ZNF136: variants seen among roughly 807,000 people sequenced by gnomAD.
The protein encoded by ZNF136 is zinc finger protein 136, also known as zinc finger protein 136 (clone pHZ-20).
In ZNF136, 8 loss-of-function variants were observed where a neutral mutation model predicts 11.4. That is an observed-to-expected ratio of 0.70 (90% CI 0.41 to 1.27). The LOEUF is 1.27. Ranked by LOEUF, ZNF136 falls within the 50% of genes most tolerant of loss-of-function variation. The pLI is 0.01. For synonymous variants in ZNF136, 190 were observed against 207.1 expected, an observed-to-expected ratio of 0.92 and a Z score of 0.71; for missense variants, 590 against 656.5, an observed-to-expected ratio of 0.90 and a Z score of 1.11.
Position 12,186,148 on chromosome 19 carries a change from C to G in ZNF136, c.165C>G (p.His55Gln). Residue 55 changes from histidine to glutamine, a missense_variant, in exon 3 of 4, where the codon CAC becomes CAG. Transcript: ENST00000343979. ...KKWKDQNIKD[H>Q]YKHRGRNLRS... ...GGAAGGACCAGAACATTAAAGATCA[C>G]TACAAACACCGAGGGAGAAATCTAA... 4 of 1,611,502 alleles carry G rather than the reference C, an allele frequency of 2.5e-6. No homozygotes were observed. Among genetic ancestry groups the G allele is most frequent in the Non-Finnish European group, 3.4e-6 (4 of 1,179,384 alleles).
At chr19:12,168,082 T>C in intron 1 of ZNF136, among the ~76,000 whole-genome samples, 1 of 136,836 alleles carries the variant, frequency 7.3e-6, no homozygotes, top group East Asian at 2.1e-4. Flanking sequence ...TTTTTTTTTT[T>C]TTTTTGTGAG....
chr19:12,163,295 G>T (rs749119395), intron 1 of ZNF136, 89 bp downstream of exon 1: 9 of 1,317,166 alleles, frequency 6.8e-6, no homozygotes, highest in Non-Finnish European at 6.9e-6. Flanking sequence ...GGGCCTTCCC[G>T]TGGGCGACTC....
At position 12,163,123 on chromosome 19, in the gene ZNF136, G is replaced by T. The variant is rs199523556; in HGVS notation, c.-81G>T. On this transcript the variant is annotated 5_prime_UTR_variant, in exon 1 of 4. Coordinates refer to ENST00000343979, the MANE Select transcript of ZNF136 (RefSeq NM_003437.5). ...TAGTCCCAGAGGCCCAGAGTGGCTC[G>T]CCTGGAGTCTCTGTGGCGCGGTTTC... 9.6e-6 allele frequency: 13 copies of T among 1,349,596 alleles called. No individual in the cohort carries two copies. Among genetic ancestry groups the T allele is most frequent in the Admixed American group, 3.4e-5 (1 of 29,368 alleles). 83.6% of individuals were successfully genotyped at this position (1,349,596 alleles called of 1,614,324 possible).
chr19:12,181,537 A>G (rs531136625), intron 1 of ZNF136, among the ~76,000 whole-genome samples: 17 of 151,420 alleles, frequency 1.1e-4, no homozygotes, highest in East Asian at 1.9e-4. Context: ...CAGTGGCGCA[A>G]TCTCCACTCA....
rs1043814601 is a variant in ZNF136, at chr19:12,163,431, C to T, written c.3+225C>T. ...CCGCCCTGTGCCGCGATTGCGGCCCCGGCCCCGAAGACCCAAGTCTCTTCA... is the reference window on the plus strand; with the variant it reads ...CCGCCCTGTGCCGCGATTGCGGCCCTGGCCCCGAAGACCCAAGTCTCTTCA... On this transcript the variant is annotated intron_variant, in intron 1 of 3. Coordinates refer to ENST00000343979, the MANE Select transcript of ZNF136 (RefSeq NM_003437.5). Among the ~76,000 whole-genome samples the T allele has an allele frequency of 3.3e-5, 5 of 152,232 alleles. No homozygotes were observed. The East Asian group carries it at 7.7e-4, about 23-fold the overall frequency.
At chr19:12,167,383 T>A (rs1337398547) in intron 1 of ZNF136, among the ~76,000 whole-genome samples, 1 of 152,226 alleles carries the variant, frequency 6.6e-6, no homozygotes, top group African/African-American at 2.4e-5. Context: ...TTGTTCCCAC[T>A]GATCAGTGAA....
At chr19:12,175,733 C>T (rs1914774081) in intron 1 of ZNF136, among the ~76,000 whole-genome samples, 1 of 152,168 alleles carries the variant, frequency 6.6e-6, no homozygotes, top group African/African-American at 2.4e-5. Context: ...GACAACTATA[C>T]AGTGACATTT....
rs1008975194 is a variant in ZNF136, at chr19:12,186,477, G to A, written c.192-93G>A. 31 of 1,122,816 alleles carry A rather than the reference G, an allele frequency of 2.8e-5. No individual in the cohort carries two copies. In the African/African-American group the frequency reaches 3.6e-4, roughly 13 times the overall value. 69.6% of individuals were successfully genotyped at this position (1,122,816 alleles called of 1,614,324 possible). A position where few individuals can be genotyped will look rare whatever the true frequency, so the allele number is the denominator to read the frequency against. ...AAATCAGACTTGGCATCGAGTCTAC[G>A]CTTTACCTGATAATATTGAAAATGC... On this transcript the variant is annotated intron_variant, in intron 3 of 3. Coordinates refer to ENST00000343979, the MANE Select transcript of ZNF136 (RefSeq NM_003437.5).
At chr19:12,185,638 G>C in intron 1 of ZNF136, 147 bp from the exon 2 acceptor site, 2 of 963,668 alleles carry the variant, frequency 2.1e-6, no homozygotes, top group Non-Finnish European at 3.0e-6. Flanking sequence ...GAGAGTTGCT[G>C]TGTGGAAGGA....
At chr19:12,163,248 GC>G (rs1373532871) in intron 1 of ZNF136, 42 bp downstream of exon 1, 1 of 1,365,302 alleles carries the variant, frequency 7.3e-7, no homozygotes, top group Non-Finnish European at 9.5e-7. Flanking sequence ...GGGAGGAGGG[GC>G]TGGTTGGACG....
At chr19:12,164,456 T>C in intron 1 of ZNF136, among the ~76,000 whole-genome samples, 1 of 128,526 alleles carries the variant, frequency 7.8e-6, no homozygotes, top group South Asian at 2.5e-4. Flanking sequence ...TTTTTTTTTT[T>C]TTTTTTGAGA....
chr19:12,177,590 A>G lies in ZNF136; in HGVS notation c.4-8195A>G, dbSNP rs1270147281. Among the ~76,000 whole-genome samples the G allele has an allele frequency of 3.3e-5, 5 of 152,152 alleles. No homozygotes were observed. In the East Asian group the frequency reaches 9.7e-4, roughly 29 times the overall value. ...TCGTGAACTCCTGACCTCGTGATCC[A>G]CCTGTCTTGGCCTCCCAAAATGCTG... is the stretch of plus-strand genomic sequence containing the variant. On this transcript the variant is annotated intron_variant, in intron 1 of 3. Transcript: ENST00000343979.
At chr19:12,171,326 GC>G (rs1296515497) in intron 1 of ZNF136, among the ~76,000 whole-genome samples, 1 of 152,168 alleles carries the variant, frequency 6.6e-6, no homozygotes, top group Non-Finnish European at 1.5e-5. Flanking sequence ...CTGGGATGTA[GC>G]TTATAGATAG....
At chr19:12,174,683 T>C (rs868269648) in intron 1 of ZNF136, among the ~76,000 whole-genome samples, 11 of 152,046 alleles carry the variant, frequency 7.2e-5, no homozygotes, top group Admixed American at 1.3e-4. Flanking sequence ...TTGCCCAGGC[T>C]GGAGTGCAGT....
intron 1 of ZNF136, among the ~76,000 whole-genome samples, chr19:12,166,341 G>C (rs542829423): frequency 9.3e-4 from 141 of 152,266 alleles, no homozygotes; most frequent in African/African-American, 3.2e-3. Context: ...TCTGTGTTCT[G>C]TTGGGTGACT....
chr19:12,184,438 G>A (rs1429428044), intron 1 of ZNF136, among the ~76,000 whole-genome samples: 3 of 151,720 alleles, frequency 2.0e-5, no homozygotes, highest in African/African-American at 7.3e-5. Flanking sequence ...GCAGGTGCCT[G>A]TAGTCCCAGC....
intron 1 of ZNF136, among the ~76,000 whole-genome samples, chr19:12,165,586 T>C (rs1477599080): frequency 6.6e-6 from 1 of 152,190 alleles, no homozygotes; most frequent in Non-Finnish European, 1.5e-5. Flanking sequence ...GTGTAGGTGC[T>C]GTGGCTTTTT....
At chr19:12,184,572 A>AAT (rs1463286695) in intron 1 of ZNF136, 1 of 152,034 alleles carries the variant, frequency 6.6e-6, no homozygotes, top group African/African-American at 2.4e-5. Context: ...AAAAAAAAAA[A>AAT]AGGTAAAAAA....
chr19:12,187,750 A>T lies in ZNF136; in HGVS notation c.1372A>T (p.Ser458Cys). Reference sequence around the variant, plus strand: ...GTGTAAGCAATGTGGGAAAGCCTTCAGTTATCTCAACTCCTTTCGAACACA... The same window carrying T: ...GTGTAAGCAATGTGGGAAAGCCTTCTGTTATCTCAACTCCTTTCGAACACA... Reference protein sequence around the residue: ...YECKQCGKAFSYLNSFRTHEM... With the variant: ...YECKQCGKAFCYLNSFRTHEM... Residue 458 changes from serine (S) to cysteine (C), a missense_variant, in exon 4 of 4, where the codon AGT (serine) becomes TGT (cysteine). Transcript: ENST00000343979. 6.2e-7 allele frequency: 1 copy of T among 1,613,448 alleles called. No homozygotes were observed. The highest frequency in any genetic ancestry group is 8.5e-7 in the Non-Finnish European group (1 of 1,179,862).
Sources: allele counts gnomAD v4.1 joint callset (sites outside exome capture counted in the v4.1 genomes callset), GRCh38; gene constraint gnomAD v4.1.1; transcripts MANE v1.5; gene names NCBI Gene and HGNC (gene_info 2026-07-23, HGNC 2026-07-21).